Variants in PPDPFL observed in about 807,000 individuals in gnomAD.
PPDPFL encodes pancreatic progenitor cell differentiation and proliferation factor-like protein.
In PPDPFL, 12 loss-of-function variants were observed where a neutral mutation model predicts 12.6. The observed-to-expected ratio is 0.95, with a 90% CI of 0.61 to 1.54. The LOEUF (loss-of-function observed/expected upper bound fraction) is 1.54. Ranked by LOEUF, PPDPFL falls within the 40% of genes most tolerant of loss-of-function variation. The pLI is 0.00. For synonymous variants in PPDPFL, 24 were observed against 32.7 expected (o/e 0.73, Z 0.91); for missense variants, 114 against 96.0 (o/e 1.19, Z -0.78).
intron 1 of PPDPFL, among the ~76,000 whole-genome samples, chr8:49,062,292 C>T (rs1808222503): frequency 1.3e-5 from 2 of 152,184 alleles, no homozygotes; most frequent in African/African-American, 4.8e-5. Context: ...CTGGCAAGGG[C>T]ACCATGTGAA....
At chr8:49,070,778 A>G (rs1808371191), upstream of PPDPFL, among the ~76,000 whole-genome samples, 1 of 152,220 alleles carries the variant, frequency 6.6e-6, no homozygotes, top group African/African-American at 2.4e-5. Context: ...ATGATATGAC[A>G]TTTAGAAATA....
At chr8:49,059,183 C>G (rs756990688) in intron 1 of PPDPFL, among the ~76,000 whole-genome samples, 1 of 152,126 alleles carries the variant, frequency 6.6e-6, no homozygotes, top group East Asian at 1.9e-4. Context: ...AAATGCTATC[C>G]TATTTCCAGA....
Position 49,074,633 on chromosome 8 carries a change from A to G in PPDPFL, c.233+300A>G, listed in dbSNP as rs905393128. On this transcript the variant is annotated intron_variant, in intron 4 of 4. Coordinates refer to ENST00000522267, the MANE Select transcript of PPDPFL (RefSeq NM_001256597.2). ...GACTGAGAATCAGAGGAAAGGGTCTAAATTTGTTTTGCTCATACCTTCAGG... is the reference window on the plus strand; with the variant it reads ...GACTGAGAATCAGAGGAAAGGGTCTGAATTTGTTTTGCTCATACCTTCAGG... The G allele has an allele frequency of 8.5e-6, 13 of 1,533,224 alleles. No individual in the cohort carries two copies. In the South Asian group the frequency reaches 1.6e-4, roughly 18 times the overall value. The allele number at this position is 1,533,224 out of a possible 1,614,324, so 95.0% of individuals were successfully genotyped here.
upstream of PPDPFL, among the ~76,000 whole-genome samples, chr8:49,069,704 A>G (rs944244303): frequency 2.6e-5 from 4 of 152,228 alleles, no homozygotes; most frequent in Non-Finnish European, 4.4e-5. Context: ...TGGGAGGCCA[A>G]GGCGGGCAGA....
chr8:49,061,975 A>G (rs906750241), intron 1 of PPDPFL, among the ~76,000 whole-genome samples: 8 of 152,220 alleles, frequency 5.3e-5, no homozygotes, highest in Non-Finnish European at 1.2e-4. Flanking sequence ...TTTTAAAATC[A>G]GGGCTCTTTC....
intron 1 of PPDPFL, among the ~76,000 whole-genome samples, chr8:49,060,446 T>C (rs976697678): frequency 2.0e-5 from 3 of 152,056 alleles, no homozygotes; most frequent in Non-Finnish European, 4.4e-5. Context: ...CCCGAGTAGC[T>C]GGGATTACAG....
At chr8:49,073,076 C>T (rs907536310) in intron 2 of PPDPFL, among the ~76,000 whole-genome samples, 191 bp downstream of exon 2, 1 of 152,190 alleles carries the variant, frequency 6.6e-6, no homozygotes, top group African/African-American at 2.4e-5. Flanking sequence ...GTTCTAGCTA[C>T]GCTGTATCGT....
At chr8:49,073,478 T>C (rs920278392) in intron 2 of PPDPFL, among the ~76,000 whole-genome samples, 15 of 152,236 alleles carry the variant, frequency 9.9e-5, no homozygotes, top group African/African-American at 3.6e-4. Context: ...AACTCTTCTT[T>C]CAAGGGTTGT....
upstream of PPDPFL, among the ~76,000 whole-genome samples, chr8:49,067,982 A>T (rs1808325907): frequency 6.6e-6 from 1 of 152,224 alleles, no homozygotes; most frequent in Admixed American, 6.5e-5. Context: ...ATTTAAAAAA[A>T]AACTTGAATC....
At chr8:49,058,743 G>A (rs929977303) in intron 1 of PPDPFL, among the ~76,000 whole-genome samples, 13 of 152,148 alleles carry the variant, frequency 8.5e-5, no homozygotes, top group African/African-American at 2.9e-4. Flanking sequence ...TTAATAAAGA[G>A]CCTTAAAGAA....
At chr8:49,058,989 G>A (rs1808153979) in intron 1 of PPDPFL, among the ~76,000 whole-genome samples, 1 of 152,220 alleles carries the variant, frequency 6.6e-6, no homozygotes, top group Non-Finnish European at 1.5e-5. Flanking sequence ...ATATTGCACA[G>A]TCGGAGTGGT....
upstream of PPDPFL, among the ~76,000 whole-genome samples, chr8:49,070,941 G>T (rs1808375038): frequency 6.6e-6 from 1 of 152,278 alleles, no homozygotes; most frequent in East Asian, 1.9e-4. Flanking sequence ...CAGTGGAACA[G>T]TATTAGCTAC....
Position 49,075,338 on chromosome 8 carries a change from T to A in PPDPFL, c.*165T>A. 7.3e-7 allele frequency: 1 copy of A among 1,377,554 alleles called. No homozygotes were observed. The highest frequency in any genetic ancestry group is 1.8e-4 in the Middle Eastern group (1 of 5,574). 85.3% of individuals were successfully genotyped at this position (1,377,554 alleles called of 1,614,324 possible). A position where few individuals can be genotyped will look rare whatever the true frequency, so the allele number is the denominator to read the frequency against. On this transcript the variant is annotated 3_prime_UTR_variant, in exon 5 of 5. Transcript: ENST00000522267. Reference sequence around the variant, plus strand: ...CCAGCTATTCCAGGACTCTTCTCCATTGTAAGAAGACAGAAATGTGTCTGA... The same window carrying A: ...CCAGCTATTCCAGGACTCTTCTCCAATGTAAGAAGACAGAAATGTGTCTGA...
At chr8:49,074,579 C>G in intron 4 of PPDPFL, 1 of 1,536,202 alleles carries the variant, frequency 6.5e-7, no homozygotes, top group Non-Finnish European at 8.7e-7. Flanking sequence ...AGTCATATGC[C>G]AAACTGTGTC....
intron 1 of PPDPFL, among the ~76,000 whole-genome samples, chr8:49,063,600 G>A (rs1169831539): frequency 6.6e-6 from 1 of 151,948 alleles, no homozygotes; most frequent in African/African-American, 2.4e-5. Context: ...TGCACCTGTA[G>A]TCCCCTACTT....
At chr8:49,069,908 T>C (rs1249044636), upstream of PPDPFL, among the ~76,000 whole-genome samples, 1 of 152,206 alleles carries the variant, frequency 6.6e-6, no homozygotes, top group Non-Finnish European at 1.5e-5. Context: ...CACTCCAGCC[T>C]GGGCAACGGA....
At chr8:49,071,138 G>T (rs957245921), upstream of PPDPFL, among the ~76,000 whole-genome samples, 1 of 152,090 alleles carries the variant, frequency 6.6e-6, no homozygotes, top group Non-Finnish European at 1.5e-5. Flanking sequence ...TCCTGTGTCT[G>T]GAGTAATATT....
intron 1 of PPDPFL, among the ~76,000 whole-genome samples, chr8:49,059,070 G>C (rs950260036): frequency 1.3e-5 from 2 of 152,196 alleles, no homozygotes; most frequent in Non-Finnish European, 2.9e-5. Flanking sequence ...CCTGAGAACA[G>C]TGTCTGTGGC....
intron 1 of PPDPFL, among the ~76,000 whole-genome samples, chr8:49,061,710 T>C (rs546363881): frequency 8.5e-5 from 13 of 152,274 alleles, no homozygotes; most frequent in African/African-American, 3.1e-4. Flanking sequence ...GAAAGTCAGA[T>C]GGCTCCTTGG....
Sources: gnomAD v4.1 joint callset for allele counts (sites outside exome capture counted in the v4.1 genomes callset) on GRCh38, gnomAD v4.1.1 for gene constraint, MANE v1.5 for transcripts, NCBI Gene and HGNC (gene_info 2026-07-23, HGNC 2026-07-21) for gene names.